Variants in MGAT4C observed in about 807,000 individuals in gnomAD.
MGAT4C encodes the protein alpha-1,3-mannosyl-glycoprotein 4-beta-N-acetylglucosaminyltransferase C.
A neutral mutation model predicts 40.1 loss-of-function variants in MGAT4C; 19 were observed. The observed-to-expected ratio is 0.47, with a 90% CI of 0.33 to 0.70. The LOEUF is 0.70. MGAT4C is among the 30% of genes least tolerant of loss of function. The pLI is 0.02. For missense variants in MGAT4C, 491 were observed against 563.2 expected, an observed-to-expected ratio of 0.87 and a Z score of 1.30; for synonymous variants, 181 against 187.1, an observed-to-expected ratio of 0.97 and a Z score of 0.27.
chr12:86,338,698 G>A (rs543332704), intron 3 of MGAT4C, among the ~76,000 whole-genome samples: 17 of 152,176 alleles, frequency 1.1e-4, no homozygotes, highest in African/African-American at 2.4e-4. Context: ...AGTGGCTGAC[G>A]CCTTTAATCC....
At position 86,118,559 on chromosome 12, in the gene MGAT4C, G is replaced by A. The variant is rs1125811; in HGVS notation, c.-56-68836C>T. ...CACGGGAACAGAGACATATGAGAGA[G>A]AGGATGGCCAATACCAGGGGTTTCT... is the stretch of plus-strand genomic sequence containing the variant. On this transcript the variant is annotated intron_variant, in intron 1 of 4. Transcript: ENST00000611864. 2.0e-3 allele frequency among the ~76,000 whole-genome samples: 310 copies of A among 152,272 alleles called. 1 individual carries two copies. Among genetic ancestry groups the A allele is most frequent in the African/African-American group, 6.4e-3 (268 of 41,552 alleles).
intron 1 of MGAT4C, among the ~76,000 whole-genome samples, chr12:86,814,518 T>C (rs1409219708): frequency 6.6e-6 from 1 of 151,668 alleles, no homozygotes; most frequent in African/African-American, 2.4e-5. Flanking sequence ...AATGCTCTTA[T>C]ATTAATTCCA....
At chr12:86,039,427 C>T in intron 2 of MGAT4C, among the ~76,000 whole-genome samples, 1 of 152,104 alleles carries the variant, frequency 6.6e-6, no homozygotes, top group Non-Finnish European at 1.5e-5. Flanking sequence ...TCTTTTTACT[C>T]TTTTTTCTCT....
intron 2 of MGAT4C, among the ~76,000 whole-genome samples, chr12:86,585,681 C>T (rs1960989664): frequency 6.7e-6 from 1 of 150,284 alleles, no homozygotes; most frequent in Admixed American, 6.7e-5. Flanking sequence ...TTTAAGGCAT[C>T]ATGAAGACTA....
intron 2 of MGAT4C, chr12:86,022,315 A>G (rs1309454240): frequency 1.3e-5 from 2 of 152,228 alleles, no homozygotes; most frequent in African/African-American, 4.8e-5. Flanking sequence ...CTCAGTCTGT[A>G]TTGCCCAAGA....
At chr12:86,114,207 C>G (rs558966200) in intron 1 of MGAT4C, among the ~76,000 whole-genome samples, 40 of 151,888 alleles carry the variant, frequency 2.6e-4, no homozygotes, top group Non-Finnish European at 4.3e-4. Context: ...TCTCTGGCCT[C>G]ACGTTCTGCT....
At chr12:86,454,725 A>G (rs573129583) in intron 2 of MGAT4C, among the ~76,000 whole-genome samples, 1 of 152,278 alleles carries the variant, frequency 6.6e-6, no homozygotes, top group South Asian at 2.1e-4. Context: ...AGCAAATTCA[A>G]TGATATGGGG....
rs375768821 is a variant in MGAT4C, at chr12:86,699,674, G to C, written c.-229+27535C>G. The stretch of plus-strand genomic sequence containing the variant: ...TGTTGACTGGAAGCCTGATATCATA[G>C]AAAATGGATTAACTCATATTTTATA... On this transcript the variant is annotated intron_variant, in intron 2 of 7. Transcript: ENST00000548651. Among the ~76,000 whole-genome samples the C allele has an allele frequency of 9.2e-5, 14 of 152,062 alleles. No homozygotes were observed. In the East Asian group the frequency reaches 1.5e-3, roughly 17 times the overall value.
chr12:86,341,315 G>A lies in MGAT4C; in HGVS notation c.-119-7188C>T, dbSNP rs372092953. ...ATCTCCTTGTGAACCCACTCCACTAGGGCCTTCAATCTTCAGTCTGTCAGA... is the reference window on the plus strand; with the variant it reads ...ATCTCCTTGTGAACCCACTCCACTAAGGCCTTCAATCTTCAGTCTGTCAGA... On this transcript the variant is annotated intron_variant, in intron 3 of 7. Transcript: ENST00000548651. Among the ~76,000 whole-genome samples the A allele has an allele frequency of 1.7e-3, 254 of 152,256 alleles. 6 individuals carry two copies. In the South Asian group the frequency reaches 0.051, roughly 31 times the overall value.
At chr12:86,407,466 G>A (rs1377259420) in intron 3 of MGAT4C, among the ~76,000 whole-genome samples, 1 of 152,050 alleles carries the variant, frequency 6.6e-6, no homozygotes, top group African/African-American at 2.4e-5. Context: ...ACAATGTTAT[G>A]AGAATATTAG....
intron 2 of MGAT4C, among the ~76,000 whole-genome samples, chr12:85,997,649 G>C (rs1279389111): frequency 1.3e-5 from 2 of 152,154 alleles, no homozygotes; most frequent in Non-Finnish European, 2.9e-5. Flanking sequence ...ATCCAGCAAG[G>C]CAGTCAAATC....
At chr12:86,118,641 GAT>G (rs1315767248) in intron 1 of MGAT4C, among the ~76,000 whole-genome samples, 1 of 152,008 alleles carries the variant, frequency 6.6e-6, no homozygotes, top group Non-Finnish European at 1.5e-5. Context: ...AGTGAAAAAT[GAT>G]ATGTTTATAA....
intron 1 of MGAT4C, among the ~76,000 whole-genome samples, chr12:86,813,529 A>G (rs1035555669): frequency 6.6e-6 from 1 of 152,072 alleles, no homozygotes; most frequent in African/African-American, 2.4e-5. Flanking sequence ...TATGCAATGT[A>G]TATGTGTTTC....
At chr12:86,751,847 TATA>T (rs1241785398) in intron 1 of MGAT4C, among the ~76,000 whole-genome samples, 4 of 152,188 alleles carry the variant, frequency 2.6e-5, no homozygotes, top group African/African-American at 9.6e-5. Flanking sequence ...ATAATACTAT[TATA>T]ATAAGGAAAT....
At chr12:86,080,142 T>G (rs1342936188) in intron 1 of MGAT4C, among the ~76,000 whole-genome samples, 2 of 152,134 alleles carry the variant, frequency 1.3e-5, no homozygotes, top group African/African-American at 4.8e-5. Flanking sequence ...TTATCTCATT[T>G]TCGCTTTTGT....
chr12:86,454,776 T>A (rs1173601768), intron 2 of MGAT4C, among the ~76,000 whole-genome samples: 1 of 152,098 alleles, frequency 6.6e-6, no homozygotes, highest in East Asian at 1.9e-4. Context: ...TTTTCCAAAA[T>A]CACAAATTCA....
chr12:86,361,812 C>T (rs1462807261), intron 3 of MGAT4C, among the ~76,000 whole-genome samples: 5 of 152,074 alleles, frequency 3.3e-5, no homozygotes, highest in African/African-American at 4.8e-5. Context: ...GTTAGAATGG[C>T]GATCATTAAA....
chr12:86,443,250 ACAATAC>A (rs1363262761), intron 2 of MGAT4C, among the ~76,000 whole-genome samples: 1 of 152,032 alleles, frequency 6.6e-6, no homozygotes, highest in African/African-American at 2.4e-5. Flanking sequence ...TTCTGTTGAC[ACAATAC>A]CGTAATTATA....
At chr12:86,362,648 C>A (rs117995025) in intron 3 of MGAT4C, among the ~76,000 whole-genome samples, 6 of 151,296 alleles carry the variant, frequency 4.0e-5, no homozygotes, top group African/African-American at 1.2e-4. Context: ...TGTGAGGGTG[C>A]GAGGTCAGAT....
Sources: gnomAD v4.1 joint callset for allele counts (sites outside exome capture counted in the v4.1 genomes callset) on GRCh38, gnomAD v4.1.1 for gene constraint, MANE v1.5 for transcripts, NCBI Gene and HGNC (gene_info 2026-07-23, HGNC 2026-07-21) for gene names.